IL1RAPL2: variants seen among roughly 807,000 people sequenced by gnomAD.
The protein encoded by IL1RAPL2 is interleukin 1 receptor accessory protein like 2.
IL1RAPL2 carries 3 observed loss-of-function variants against 44.1 expected under a neutral mutation model. The observed-to-expected ratio is 0.07, with a 90% CI of 0.03 to 0.18. IL1RAPL2 has a LOEUF of 0.18. IL1RAPL2 is among the 10% of genes least tolerant of loss of function. IL1RAPL2 has a pLI of 1.00. For missense variants in IL1RAPL2, 391 were observed against 496.4 expected (o/e 0.79, Z 2.02); for synonymous variants, 181 against 178.8 (o/e 1.01, Z -0.10).
chrX:105,619,159 G>C (rs1322870627), intron 6 of IL1RAPL2, among the ~76,000 whole-genome samples: 5 of 109,144 alleles, frequency 4.6e-5, no homozygotes, highest in Non-Finnish European at 9.5e-5. Context: ...ATTTTAAAGA[G>C]TTGTCTTAGA....
chrX:104,602,264 G>A (rs946540773), intron 1 of IL1RAPL2, among the ~76,000 whole-genome samples: 6 of 111,422 alleles, frequency 5.4e-5, no homozygotes, highest in African/African-American at 9.8e-5. Flanking sequence ...AAGGGAAGCC[G>A]TGAGGGACTG....
chrX:105,227,938 T>TC (rs1231222504), intron 3 of IL1RAPL2, among the ~76,000 whole-genome samples: 1 of 111,818 alleles, frequency 8.9e-6, no homozygotes, highest in African/African-American at 3.2e-5. Flanking sequence ...TATTCTTTTT[T>TC]CCCCCTTATC....
At chrX:104,874,279 C>CTCTCTCTCT (rs1922844945) in intron 2 of IL1RAPL2, among the ~76,000 whole-genome samples, 1 of 76,320 alleles carries the variant, frequency 1.3e-5, no homozygotes, top group East Asian at 4.1e-4. Flanking sequence ...TGTCTGTATT[C>CTCTCTCTCT]CTCTCTCTCT....
intron 5 of IL1RAPL2, among the ~76,000 whole-genome samples, chrX:105,395,926 G>A (rs770298973): frequency 8.9e-6 from 1 of 111,935 alleles, no homozygotes; most frequent in Non-Finnish European, 1.9e-5. Context: ...CCAGCTCTCT[G>A]TTTTATCAAG....
chrX:105,686,600 T>G (rs1277292815), intron 6 of IL1RAPL2, among the ~76,000 whole-genome samples: 1 of 110,282 alleles, frequency 9.1e-6, no homozygotes, highest in Non-Finnish European at 1.9e-5. Flanking sequence ...ACAAAGAGAC[T>G]TAGATGCCCA....
At chrX:104,781,233 T>A (rs1036929091) in intron 2 of IL1RAPL2, among the ~76,000 whole-genome samples, 1 of 111,210 alleles carries the variant, frequency 9.0e-6, no homozygotes, top group African/African-American at 3.3e-5. Context: ...GCACTATCTT[T>A]ATAATATCCC....
chrX:105,676,082 A>T (rs780344955), intron 6 of IL1RAPL2: 15 of 111,491 alleles, frequency 1.3e-4, no homozygotes, highest in African/African-American at 4.9e-4. Context: ...AAAATATGGA[A>T]CACTTCATGA....
In IL1RAPL2 at chrX:105,379,131, C is replaced by T. The variant is rs893813341; in HGVS notation, c.698-105182C>T. 3.6e-5 allele frequency among the ~76,000 whole-genome samples: 4 copies of T among 111,053 alleles called. No homozygotes were observed. The East Asian group carries it at 1.1e-3, about 31-fold the overall frequency. Reference sequence around the variant, plus strand: ...AACTTTACAGTATTCTATGGGGGGTCGAAACTATTACAGAAATAACTATGA... The same window carrying T: ...AACTTTACAGTATTCTATGGGGGGTTGAAACTATTACAGAAATAACTATGA... On this transcript the variant is annotated intron_variant, in intron 5 of 10. Coordinates refer to ENST00000372582, the MANE Select transcript of IL1RAPL2 (RefSeq NM_017416.2).
chrX:105,444,999 A>G (rs2035944942), intron 5 of IL1RAPL2, among the ~76,000 whole-genome samples: 1 of 112,020 alleles, frequency 8.9e-6, no homozygotes, highest in Non-Finnish European at 1.9e-5. Context: ...TTGGTAGAAT[A>G]CAGCAGTGAA....
chrX:104,998,350 G>A (rs988263612), intron 2 of IL1RAPL2, among the ~76,000 whole-genome samples: 3 of 111,459 alleles, frequency 2.7e-5, no homozygotes. Context: ...GAGGATGTGA[G>A]TGAGGAAGTG....
chrX:104,737,790 C>T (rs145504195), intron 2 of IL1RAPL2, among the ~76,000 whole-genome samples: 26 of 111,967 alleles, frequency 2.3e-4, no homozygotes, highest in Non-Finnish European at 4.5e-4. Flanking sequence ...TGGCTTTGCT[C>T]TTTTTCTTGT....
At chrX:105,363,289 AATAT>A (rs61486978) in intron 5 of IL1RAPL2, among the ~76,000 whole-genome samples, 1,112 of 76,189 alleles carry the variant, frequency 0.015, 24 homozygotes, top group African/African-American at 0.086. Context: ...ATATATATAT[AATAT>A]ATATATATAT....
chrX:104,952,447 A>G (rs1925608930), intron 2 of IL1RAPL2, among the ~76,000 whole-genome samples: 1 of 112,134 alleles, frequency 8.9e-6, no homozygotes, highest in Non-Finnish European at 1.9e-5. Flanking sequence ...AATGCAGTCA[A>G]ATGTGTAATG....
At chrX:105,293,834 G>T (rs2034634613) in intron 5 of IL1RAPL2, among the ~76,000 whole-genome samples, 1 of 111,618 alleles carries the variant, frequency 9.0e-6, no homozygotes, top group Non-Finnish European at 1.9e-5. Context: ...TTTAAGCTGT[G>T]ACATTAAGTC....
chrX:105,416,252 C>T (rs774323400), intron 5 of IL1RAPL2, among the ~76,000 whole-genome samples: 1 of 111,928 alleles, frequency 8.9e-6, no homozygotes, highest in South Asian at 3.7e-4. Context: ...GTATATGTGA[C>T]ACTGTTTGCC....
At chrX:104,813,704 T>G (rs1463235400) in intron 2 of IL1RAPL2, among the ~76,000 whole-genome samples, 2 of 111,538 alleles carry the variant, frequency 1.8e-5, no homozygotes, top group Non-Finnish European at 3.8e-5. Flanking sequence ...ATTATTATCT[T>G]AGGTATAACA....
intron 1 of IL1RAPL2, among the ~76,000 whole-genome samples, chrX:104,604,489 C>G (rs1376730956): frequency 9.1e-6 from 1 of 110,288 alleles, no homozygotes; most frequent in East Asian, 2.8e-4. Context: ...GCTAAGTGCT[C>G]CAGTTAAAAG....
chrX:105,214,564 C>T (rs2033836448), intron 3 of IL1RAPL2, among the ~76,000 whole-genome samples: 1 of 111,000 alleles, frequency 9.0e-6, no homozygotes, highest in Admixed American at 9.6e-5. Context: ...TTAGACAGAT[C>T]AATGAGACAG....
chrX:105,031,779 C>G (rs2031503014), intron 2 of IL1RAPL2, among the ~76,000 whole-genome samples: 1 of 110,306 alleles, frequency 9.1e-6, no homozygotes, highest in South Asian at 3.7e-4. Flanking sequence ...AGGGAGGATT[C>G]CCTCTTTTTC....
Sources: allele counts gnomAD v4.1 joint callset (sites outside exome capture counted in the v4.1 genomes callset), GRCh38; gene constraint gnomAD v4.1.1; transcripts MANE v1.5; gene names NCBI Gene and HGNC (gene_info 2026-07-23, HGNC 2026-07-21).